The following FEZ1 variants were observed in gnomAD, a reference collection of about 807,000 sequenced individuals.
FEZ1 encodes the protein fasciculation and elongation protein zeta 1, also known as fasciculation and elongation protein zeta-1.
FEZ1 carries 20 observed loss-of-function variants against 49.3 expected under a neutral mutation model. That is an observed-to-expected ratio of 0.41 (90% CI 0.29 to 0.59). The LOEUF (loss-of-function observed/expected upper bound fraction) is 0.59, where lower values mean the gene tolerates loss of function less well. Among genes scored for constraint, FEZ1 ranks in the 20% least tolerant of loss-of-function variants. The pLI, the probability that FEZ1 is intolerant of heterozygous loss-of-function variation, is 0.36. For synonymous variants in FEZ1, 170 were observed against 180.9 expected (o/e 0.94, Z 0.48); for missense variants, 413 against 476.0 (o/e 0.87, Z 1.23).
intron 4 of FEZ1, among the ~76,000 whole-genome samples, chr11:125,461,953 T>C (rs1413284114): frequency 1.3e-5 from 2 of 152,260 alleles, no homozygotes; most frequent in Non-Finnish European, 2.9e-5. Flanking sequence ...CAAGTCCCTG[T>C]CAGGGTCTTA....
chr11:125,479,362 A>G (rs1391874921), intron 3 of FEZ1, among the ~76,000 whole-genome samples: 1 of 152,204 alleles, frequency 6.6e-6, no homozygotes, highest in Non-Finnish European at 1.5e-5. Flanking sequence ...AAACACTTAG[A>G]AAGATTAGAC....
At chr11:125,449,985 C>A (rs931928862) in intron 8 of FEZ1, among the ~76,000 whole-genome samples, 2 of 150,880 alleles carry the variant, frequency 1.3e-5, no homozygotes, top group Admixed American at 1.3e-4. Flanking sequence ...GACATGTATT[C>A]ATCTCAGCTT....
chr11:125,467,813 C>A (rs1002233088), intron 3 of FEZ1, among the ~76,000 whole-genome samples: 3 of 152,156 alleles, frequency 2.0e-5, no homozygotes, highest in Non-Finnish European at 4.4e-5. Flanking sequence ...TGTACTCTAG[C>A]CTGGGTGACA....
In FEZ1 at chr11:125,489,634, A is replaced by T; in HGVS notation, c.144T>A (p.Asn48Lys). ...TGAAGCTGATTATTTCGGAAGAAAAATTCTCAAGCTCGGAGAGGGAGGGGT... is the reference window on the plus strand; with the variant it reads ...TGAAGCTGATTATTTCGGAAGAAAATTTCTCAAGCTCGGAGAGGGAGGGGT... ...LEDPSLSELE[N>K]FSSEIISFKS... Residue 48 changes from asparagine to lysine, a missense_variant, in exon 2 of 10, where the codon AAT becomes AAA. Coordinates refer to ENST00000278919, the MANE Select transcript of FEZ1 (RefSeq NM_005103.5). The surrounding 1 kb of genome is among the most constrained non-coding windows in gnomAD (Gnocchi z 4.2). The T allele has an allele frequency of 6.2e-7, 1 of 1,614,106 alleles. No individual in the cohort carries two copies. Among genetic ancestry groups the T allele is most frequent in the African/African-American group, 1.3e-5 (1 of 75,006 alleles).
chr11:125,460,099 C>CAA, intron 5 of FEZ1: 1 of 146,072 alleles, frequency 6.8e-6, no homozygotes, highest in Non-Finnish European at 1.5e-5. Context: ...GACTCTGTCT[C>CAA]AAAAAAAAAA....
rs1957365739 is a variant in FEZ1, at chr11:125,489,894, A to T, written c.-45-72T>A. 7.7e-7 allele frequency: 1 copy of T among 1,301,506 alleles called. No homozygotes were observed. Among genetic ancestry groups the T allele is most frequent in the Non-Finnish European group, 1.0e-6 (1 of 997,256 alleles). 80.6% of individuals were successfully genotyped at this position (1,301,506 alleles called of 1,614,324 possible). ...AAATAATAGAGTTAACTTTAGAGAC[A>T]CACCTGCTTCCAATTCCCTACTCCA... is the stretch of plus-strand genomic sequence containing the variant. On this transcript the variant is annotated intron_variant, in intron 1 of 9. Coordinates refer to ENST00000278919, the MANE Select transcript of FEZ1 (RefSeq NM_005103.5). This position sits in a 1 kb window ranked among gnomAD's most constrained non-coding sequence, Gnocchi z 4.2.
At chr11:125,494,833 C>T (rs536593470) in intron 1 of FEZ1, among the ~76,000 whole-genome samples, 4 of 152,198 alleles carry the variant, frequency 2.6e-5, no homozygotes, top group South Asian at 2.1e-4. Flanking sequence ...CTGAGCTGAC[C>T]CGAGTGGAGC....
At position 125,468,218 on chromosome 11, in the gene FEZ1, C is replaced by T. The variant is rs1957151186; in HGVS notation, c.412-4648G>A. Among the ~76,000 whole-genome samples the T allele has an allele frequency of 1.3e-5, 2 of 151,894 alleles. 1 individual carries two copies. Among genetic ancestry groups the T allele is most frequent in the Admixed American group, 1.3e-4 (2 of 15,230 alleles). On this transcript the variant is annotated intron_variant, in intron 3 of 9. Coordinates refer to ENST00000278919, the MANE Select transcript of FEZ1 (RefSeq NM_005103.5). ...TTTTAAACAGAGTCTCACAATATCA[C>T]CCAGGCTGGAGTCCAATGACATGAT... is the stretch of plus-strand genomic sequence containing the variant.
intron 4 of FEZ1, 109 bp from the exon 5 acceptor site, chr11:125,460,775 TA>T: frequency 1.1e-6 from 1 of 886,380 alleles, no homozygotes; most frequent in Non-Finnish European, 1.7e-6. Context: ...TGAAAATTTC[TA>T]AAGCAATATT....
Position 125,452,243 on chromosome 11 carries a change from G to T in FEZ1, c.1096+91C>A, listed in dbSNP as rs547022815. On this transcript the variant is annotated intron_variant, in intron 8 of 9. Coordinates refer to ENST00000278919, the MANE Select transcript of FEZ1 (RefSeq NM_005103.5). ...TTGGCCCATGTAAACCTGCTTTGAG[G>T]AGTCTCGGGCCTGCGGCACGGAGGT... 7 of 847,624 alleles carry T rather than the reference G, an allele frequency of 8.3e-6. No individual in the cohort carries two copies. In the East Asian group the frequency reaches 1.4e-4, roughly 18 times the overall value. The allele number at this position is 847,624 out of a possible 1,614,324, so 52.5% of individuals were successfully genotyped here.
intron 3 of FEZ1, among the ~76,000 whole-genome samples, chr11:125,467,445 A>G (rs1283296370): frequency 6.6e-6 from 1 of 152,248 alleles, no homozygotes; most frequent in Non-Finnish European, 1.5e-5. Context: ...CAGCCAACAC[A>G]TATTTGTTGA....
rs749780291 is a variant in FEZ1, at chr11:125,495,489, C to G, written c.-46+632G>C. 2.1e-6 allele frequency: 1 copy of G among 471,126 alleles called. No individual in the cohort carries two copies. Among genetic ancestry groups the G allele is most frequent in the South Asian group, 1.5e-5 (1 of 64,564 alleles). The allele number at this position is 471,126 out of a possible 1,614,324, so 29.2% of individuals were successfully genotyped here. A position where few individuals can be genotyped will look rare whatever the true frequency, so the allele number is the denominator to read the frequency against. On this transcript the variant is annotated intron_variant, in intron 1 of 9. Coordinates refer to ENST00000278919, the MANE Select transcript of FEZ1 (RefSeq NM_005103.5). The surrounding 1 kb of genome is among the most constrained non-coding windows in gnomAD (Gnocchi z 4.2). ...GCGCAGCCGCCCCGGTCCCTTCTCC[C>G]GCCCGTCTGTAGTAAAACAATCGCT...
At chr11:125,463,426 G>T in intron 4 of FEZ1, 58 bp downstream of exon 4, 1 of 994,242 alleles carries the variant, frequency 1.0e-6, no homozygotes, top group Non-Finnish European at 1.6e-6. Flanking sequence ...GTGTTCTCTT[G>T]GACTTTTTCT....
intron 6 of FEZ1, 91 bp downstream of exon 6, chr11:125,455,744 T>C: frequency 7.4e-7 from 1 of 1,349,710 alleles, no homozygotes; most frequent in Non-Finnish European, 1.1e-6. Context: ...TCGGTAAACG[T>C]TGATGAGTCC....
chr11:125,464,766 C>T (rs1357293236), intron 3 of FEZ1, among the ~76,000 whole-genome samples: 2 of 152,154 alleles, frequency 1.3e-5, no homozygotes, highest in East Asian at 1.9e-4. Flanking sequence ...AAATGCCATC[C>T]GCACTCAACC....
At chr11:125,467,259 G>T (rs939271229) in intron 3 of FEZ1, among the ~76,000 whole-genome samples, 18 of 152,064 alleles carry the variant, frequency 1.2e-4, no homozygotes, top group African/African-American at 4.3e-4. Flanking sequence ...GCCCAGGCTG[G>T]TCTCAAACTC....
chr11:125,476,171 T>A (rs989729027), intron 3 of FEZ1, among the ~76,000 whole-genome samples: 10 of 152,206 alleles, frequency 6.6e-5, no homozygotes. Context: ...ATGAGGAATA[T>A]GTTGAATATC....
intron 4 of FEZ1, among the ~76,000 whole-genome samples, chr11:125,462,205 A>G (rs948447231): frequency 3.3e-5 from 5 of 152,260 alleles, no homozygotes; most frequent in African/African-American, 1.2e-4. Context: ...TTGCAGAAAG[A>G]CTTTGTGGAA....
At chr11:125,485,968 A>C (rs1046820582) in intron 2 of FEZ1, among the ~76,000 whole-genome samples, 1 of 152,152 alleles carries the variant, frequency 6.6e-6, no homozygotes, top group South Asian at 2.1e-4. Flanking sequence ...AGTAGAAATT[A>C]TTAGCAGCAC....
Sources: allele counts gnomAD v4.1 joint callset (sites outside exome capture counted in the v4.1 genomes callset), GRCh38; gene constraint gnomAD v4.1.1; non-coding constraint Gnocchi (gnomAD v3.1); transcripts MANE v1.5; gene names NCBI Gene and HGNC (gene_info 2026-07-23, HGNC 2026-07-21).